The following RFC3 variants were observed in gnomAD, a reference collection of about 807,000 sequenced individuals.
RFC3 encodes the protein A1 38 kDa subunit.
In RFC3, 41 loss-of-function variants were observed where a neutral mutation model predicts 45.1. The ratio of observed to expected loss-of-function variants is 0.91; its 90% confidence interval spans 0.71 to 1.18. The LOEUF (loss-of-function observed/expected upper bound fraction) is 1.18, where lower values mean the gene tolerates loss of function less well. RFC3 is among the 50% of genes most tolerant of loss of function. RFC3 has a pLI of 0.00. For synonymous variants in RFC3, 149 were observed against 144.0 expected, an observed-to-expected ratio of 1.03 and a Z score of -0.25; for missense variants, 423 against 428.1, an observed-to-expected ratio of 0.99 and a Z score of 0.10.
rs557985622 is a variant in RFC3 at position 33,884,720 on chromosome 13, T to C, written c.879+49503T>C. On this transcript the variant is annotated intron_variant, in intron 8 of 8. Coordinates refer to the RFC3 transcript ENST00000434425. ...TCCATCTCAGTTTTCAAATGGTCCG[T>C]GCAGTCTCTTTCCCCAGGGCTGAAG... is the stretch of plus-strand genomic sequence containing the variant. 2.6e-5 allele frequency among the ~76,000 whole-genome samples: 4 copies of C among 152,342 alleles called. No homozygotes were observed. The South Asian group carries it at 8.3e-4, about 32-fold the overall frequency.
chr13:33,916,247 A>G (rs2082732724), intron 8 of RFC3, among the ~76,000 whole-genome samples: 1 of 152,202 alleles, frequency 6.6e-6, no homozygotes, highest in Non-Finnish European at 1.5e-5. Context: ...CACTCTTACC[A>G]TCTGCCATAA....
chr13:33,955,439 G>A (rs2083016167), intron 8 of RFC3, among the ~76,000 whole-genome samples: 1 of 152,150 alleles, frequency 6.6e-6, no homozygotes, highest in Non-Finnish European at 1.5e-5. Context: ...TAGCTGTCAG[G>A]TAGGAAGAGT....
intron 8 of RFC3, among the ~76,000 whole-genome samples, chr13:33,853,327 TTTATTAA>T (rs1455525744): frequency 1.3e-5 from 2 of 152,100 alleles, no homozygotes; most frequent in African/African-American, 4.8e-5. Context: ...TGCATTAGAC[TTTATTAA>T]TTAGGAAATA....
chr13:33,852,917 C>G (rs1004798101), intron 8 of RFC3, among the ~76,000 whole-genome samples: 4 of 152,150 alleles, frequency 2.6e-5, no homozygotes, highest in African/African-American at 9.7e-5. Context: ...GCTTAATGCA[C>G]AGACCAACCT....
chr13:33,897,569 T>A (rs1593675371), intron 8 of RFC3, among the ~76,000 whole-genome samples: 1 of 152,088 alleles, frequency 6.6e-6, no homozygotes, highest in East Asian at 1.9e-4. Flanking sequence ...TTCTTACTTA[T>A]CAATATTAAC....
At chr13:33,969,673 G>T (rs935820896), downstream of RFC3, among the ~76,000 whole-genome samples, 13 of 152,154 alleles carry the variant, frequency 8.5e-5, no homozygotes, top group Admixed American at 2.0e-4. Context: ...TGAAAGTCAG[G>T]AGACTTGCAT....
At chr13:33,887,445 G>A (rs1027644121) in intron 8 of RFC3, among the ~76,000 whole-genome samples, 16 of 152,242 alleles carry the variant, frequency 1.1e-4, no homozygotes, top group African/African-American at 1.4e-4. Flanking sequence ...TTTGAGAAGT[G>A]TCTGTTCATG....
intron 8 of RFC3, among the ~76,000 whole-genome samples, chr13:33,852,421 C>T (rs2082282181): frequency 6.6e-6 from 1 of 152,070 alleles, no homozygotes; most frequent in African/African-American, 2.4e-5. Context: ...TGTCTTCTGG[C>T]CTAATTTCTA....
intron 8 of RFC3, among the ~76,000 whole-genome samples, chr13:33,930,061 C>T (rs2082842078): frequency 6.6e-6 from 1 of 151,994 alleles, no homozygotes; most frequent in Non-Finnish European, 1.5e-5. Flanking sequence ...AATTGTATAG[C>T]TTTATTTTTC....
intron 8 of RFC3, among the ~76,000 whole-genome samples, chr13:33,950,416 G>A (rs2082982438): frequency 6.6e-6 from 1 of 152,104 alleles, no homozygotes; most frequent in Non-Finnish European, 1.5e-5. Context: ...AAAAGTCTTT[G>A]TATTATTATA....
At chr13:33,857,621 C>A (rs1409339817) in intron 8 of RFC3, among the ~76,000 whole-genome samples, 1 of 151,998 alleles carries the variant, frequency 6.6e-6, no homozygotes, top group Non-Finnish European at 1.5e-5. Flanking sequence ...TCATTTTCTC[C>A]TCTTTTGTTT....
chr13:33,844,920 C>T (rs1330221027), intron 8 of RFC3, among the ~76,000 whole-genome samples: 1 of 152,124 alleles, frequency 6.6e-6, no homozygotes, highest in African/African-American at 2.4e-5. Flanking sequence ...ACATTCTTTT[C>T]TTTCAGAGCG....
intron 8 of RFC3, among the ~76,000 whole-genome samples, chr13:33,958,867 T>C (rs529843311): frequency 6.6e-6 from 1 of 152,334 alleles, no homozygotes; most frequent in Admixed American, 6.5e-5. Flanking sequence ...ATCTAGGACA[T>C]GCCTGGTATT....
intron 8 of RFC3, among the ~76,000 whole-genome samples, chr13:33,943,238 A>ATAT (rs1354582291): frequency 1.3e-5 from 2 of 152,176 alleles, no homozygotes; most frequent in Non-Finnish European, 2.9e-5. Context: ...TATTTTAAGC[A>ATAT]TATTACATAT....
intron 5 of RFC3, among the ~76,000 whole-genome samples, chr13:33,830,248 C>T (rs1314464965): frequency 1.3e-5 from 2 of 152,084 alleles, no homozygotes; most frequent in East Asian, 1.9e-4. Flanking sequence ...GTAGGTATTA[C>T]GAATTCTACT....
intron 4 of RFC3, 84 bp from the exon 5 acceptor site, chr13:33,829,751 TC>T: frequency 9.5e-7 from 1 of 1,050,702 alleles, no homozygotes; most frequent in Non-Finnish European, 1.5e-6. Flanking sequence ...TAGGATTTCA[TC>T]CTGGATAATG....
intron 1 of RFC3, among the ~76,000 whole-genome samples, chr13:33,819,561 G>A (rs1477786546): frequency 6.6e-6 from 1 of 151,990 alleles, no homozygotes; most frequent in Non-Finnish European, 1.5e-5. Flanking sequence ...TGACATTGAA[G>A]GTTTTTTTTT....
chr13:33,831,486 AATGTAGC>A, intron 7 of RFC3, 132 bp downstream of exon 7: 2 of 511,764 alleles, frequency 3.9e-6, no homozygotes, highest in Non-Finnish European at 6.5e-6. Context: ...TTTTAAGGAA[AATGTAGC>A]ATTTAACTTC....
At chr13:33,899,646 CTTTTA>C (rs1023835809) in intron 8 of RFC3, among the ~76,000 whole-genome samples, 1 of 151,846 alleles carries the variant, frequency 6.6e-6, no homozygotes, top group Admixed American at 6.6e-5. Context: ...ACTTTCACCA[CTTTTA>C]TTTAACATAA....
Sources: gnomAD v4.1 joint callset for allele counts (sites outside exome capture counted in the v4.1 genomes callset) on GRCh38, gnomAD v4.1.1 for gene constraint, MANE v1.5 for transcripts, NCBI Gene and HGNC (gene_info 2026-07-23, HGNC 2026-07-21) for gene names.